NLGN4X: variants seen among roughly 807,000 people sequenced by gnomAD.
NLGN4X encodes the protein neuroligin-4, X-linked.
NLGN4X carries 3 observed loss-of-function variants against 40.3 expected under a neutral mutation model. The ratio of observed to expected loss-of-function variants is 0.07; its 90% CI spans 0.03 to 0.19. The LOEUF is 0.19. Ranked by LOEUF, NLGN4X falls within the 10% of genes least tolerant of loss-of-function variation. NLGN4X has a pLI of 1.00. For synonymous variants in NLGN4X, 270 were observed against 306.8 expected (o/e 0.88, Z 1.25); for missense variants, 382 against 708.3 (o/e 0.54, Z 5.23).
intron 2 of NLGN4X, among the ~76,000 whole-genome samples, chrX:6,076,802 G>A (rs1358342484): frequency 8.9e-6 from 1 of 112,245 alleles, no homozygotes; most frequent in Non-Finnish European, 1.9e-5. Context: ...AATTCCTTGG[G>A]TCTTTACTAT....
At chrX:6,172,164 G>A (rs917167910) in intron 1 of NLGN4X, among the ~76,000 whole-genome samples, 8 of 111,382 alleles carry the variant, frequency 7.2e-5, no homozygotes, top group Non-Finnish European at 1.1e-4. Context: ...ATGCAAGAAC[G>A]GCCTAATACA....
chrX:6,206,231 G>A (rs1924024552), intron 1 of NLGN4X, among the ~76,000 whole-genome samples: 1 of 111,289 alleles, frequency 9.0e-6, no homozygotes, highest in Non-Finnish European at 1.9e-5. Flanking sequence ...GGCTGGGTGA[G>A]GAGTCTGCCC....
rs777815333 is a variant in NLGN4X, at chrX:6,077,272, G to T, written c.473-47840C>A. On this transcript the variant is annotated intron_variant, in intron 2 of 5. Transcript: ENST00000381095. Reference sequence around the variant, plus strand: ...TTATTACATTCCAAAATTTTATTTTGTGTGTGTGTGTGTGTGTGTGTGTCT... The same window carrying T: ...TTATTACATTCCAAAATTTTATTTTTTGTGTGTGTGTGTGTGTGTGTGTCT... Among the ~76,000 whole-genome samples the T allele has an allele frequency of 4.2e-4, 30 of 71,770 alleles. No homozygotes were observed. In the South Asian group the frequency reaches 5.3e-3, roughly 13 times the overall value. 62.3% of individuals were successfully genotyped at this position (71,770 alleles called of 115,157 possible).
intron 2 of NLGN4X, among the ~76,000 whole-genome samples, chrX:6,037,638 T>C (rs2037050257): frequency 9.1e-6 from 1 of 110,328 alleles, no homozygotes; most frequent in Non-Finnish European, 1.9e-5. Flanking sequence ...GTTTACTGCA[T>C]ATTCGTTTTC....
chrX:6,032,781 G>GA (rs1569197912), intron 2 of NLGN4X: 3 of 977,414 alleles, frequency 3.1e-6, no homozygotes, highest in Non-Finnish European at 4.1e-6. Context: ...AAAATAAAGG[G>GA]AAAAAAGAGA....
At chrX:6,121,240 CAT>C (rs1444598489) in intron 2 of NLGN4X, among the ~76,000 whole-genome samples, 4 of 110,513 alleles carry the variant, frequency 3.6e-5, no homozygotes, top group Non-Finnish European at 7.6e-5. Context: ...CGTTTGAAAA[CAT>C]AATATTCTAG....
intron 2 of NLGN4X, among the ~76,000 whole-genome samples, chrX:6,076,715 T>G (rs1203402092): frequency 1.8e-5 from 2 of 112,342 alleles, no homozygotes; most frequent in Non-Finnish European, 3.8e-5. Flanking sequence ...TGGAAGAATG[T>G]ATCAGATGAA....
intron 2 of NLGN4X, among the ~76,000 whole-genome samples, chrX:6,042,838 G>A (rs2037212008): frequency 9.8e-6 from 1 of 101,895 alleles, no homozygotes; most frequent in Non-Finnish European, 2.0e-5. Context: ...CACTTTGGGA[G>A]GCCAGGGCAG....
intron 3 of NLGN4X, among the ~76,000 whole-genome samples, chrX:5,997,499 T>C (rs1417078297): frequency 1.9e-5 from 2 of 106,607 alleles, no homozygotes; most frequent in Admixed American, 1.0e-4. Context: ...AGTTTTAATA[T>C]ATATCACAGA....
At chrX:6,224,854 CA>C (rs66712976) in intron 1 of NLGN4X, among the ~76,000 whole-genome samples, 9 of 100,766 alleles carry the variant, frequency 8.9e-5, no homozygotes, top group Non-Finnish European at 1.4e-4. Flanking sequence ...ATTCTGATTT[CA>C]AAAAAAAATG....
chrX:5,938,958 T>TGTGTGTGC (rs1395456390), intron 3 of NLGN4X, among the ~76,000 whole-genome samples: 3 of 94,694 alleles, frequency 3.2e-5, no homozygotes, highest in Non-Finnish European at 6.0e-5. Flanking sequence ...TTTGTATTTG[T>TGTGTGTGC]GTGTGTGCGT....
intron 2 of NLGN4X, among the ~76,000 whole-genome samples, chrX:6,037,806 G>A (rs986165440): frequency 9.0e-6 from 1 of 110,694 alleles, no homozygotes; most frequent in African/African-American, 3.3e-5. Context: ...CACAGATGTG[G>A]ATGTGATTGA....
chrX:6,143,326 C>T (rs762766420), intron 2 of NLGN4X, among the ~76,000 whole-genome samples: 2 of 112,291 alleles, frequency 1.8e-5, no homozygotes, highest in Non-Finnish European at 3.8e-5. Context: ...GAGGAGGAAA[C>T]AAGGTGTAGC....
rs774037936 is a variant in NLGN4X at position 6,066,449 on chromosome X, T to C, written c.473-37017A>G. 6.2e-5 allele frequency among the ~76,000 whole-genome samples: 7 copies of C among 112,258 alleles called. No homozygotes were observed. In the South Asian group the frequency reaches 1.1e-3, roughly 18 times the overall value. ...TTCACCTGGCTCCACCGTTTTAACA[T>C]TCCCTTTCACAGTTTCGATACTGAT... is the stretch of plus-strand genomic sequence containing the variant. On this transcript the variant is annotated intron_variant, in intron 2 of 5. Transcript: ENST00000381095.
At chrX:6,158,100 A>G (rs12013664) in intron 1 of NLGN4X, among the ~76,000 whole-genome samples, 28,601 of 111,201 alleles carry the variant, frequency 0.26, 2,692 homozygotes, top group Admixed American at 0.29. Flanking sequence ...CTAAATCTAA[A>G]TCAAATGATT....
At chrX:6,172,225 G>A (rs930697304) in intron 1 of NLGN4X, among the ~76,000 whole-genome samples, 1 of 112,175 alleles carries the variant, frequency 8.9e-6, no homozygotes, top group Non-Finnish European at 1.9e-5. Context: ...CTGAAATCTC[G>A]CAATGTGCTT....
chrX:5,979,590 T>C (rs1227924720), intron 3 of NLGN4X, among the ~76,000 whole-genome samples: 2 of 110,310 alleles, frequency 1.8e-5, no homozygotes, highest in Non-Finnish European at 3.8e-5. Flanking sequence ...ATTTATCCAA[T>C]GACTAATGAT....
intron 5 of NLGN4X, among the ~76,000 whole-genome samples, chrX:5,895,666 G>A (rs1156595777): frequency 9.0e-6 from 1 of 110,860 alleles, no homozygotes; most frequent in African/African-American, 3.3e-5. Context: ...TAATACAGGA[G>A]AAAAAGAAAG....
intron 3 of NLGN4X, among the ~76,000 whole-genome samples, chrX:5,955,016 G>A (rs966700728): frequency 6.3e-5 from 7 of 111,683 alleles, no homozygotes; most frequent in African/African-American, 2.3e-4. Flanking sequence ...TGATGAAAGT[G>A]TTTATTAAGG....
Sources: gnomAD v4.1 joint callset for allele counts (sites outside exome capture counted in the v4.1 genomes callset) on GRCh38, gnomAD v4.1.1 for gene constraint, MANE v1.5 for transcripts, NCBI Gene and HGNC (gene_info 2026-07-23, HGNC 2026-07-21) for gene names.